IL16: variants seen among roughly 807,000 people sequenced by gnomAD.
IL16 encodes interleukin 16.
Under a neutral mutation model 110.1 loss-of-function variants are expected in IL16, and 67 were observed. The observed-to-expected ratio is 0.61, with a 90% CI of 0.50 to 0.75. The LOEUF is 0.75. IL16 is among the 30% of genes least tolerant of loss of function. The probability of loss-of-function intolerance (pLI) is 0.00; values close to 1 mark genes in which losing one functional copy is unlikely to be tolerated. For synonymous variants in IL16, 689 were observed against 662.9 expected, an observed-to-expected ratio of 1.04 and a Z score of -0.61; for missense variants, 1,545 against 1,655.0, an observed-to-expected ratio of 0.93 and a Z score of 1.15.
intron 1 of IL16, among the ~76,000 whole-genome samples, chr15:81,184,644 G>A (rs187057402): frequency 3.2e-4 from 48 of 152,294 alleles, no homozygotes; most frequent in African/African-American, 9.9e-4. Context: ...GAGCTTATCC[G>A]GGCGATGCCC....
upstream of IL16, among the ~76,000 whole-genome samples, chr15:81,195,477 G>GCACTCCAGACT (rs1401601070): frequency 6.6e-6 from 1 of 152,146 alleles, no homozygotes; most frequent in Non-Finnish European, 1.5e-5. Context: ...TTCCTTCACT[G>GCACTCCAGACT]CACTCCAGAC....
chr15:81,241,591 C>T (rs1897338479), intron 2 of IL16, among the ~76,000 whole-genome samples: 1 of 152,042 alleles, frequency 6.6e-6, no homozygotes, highest in African/African-American at 2.4e-5. Flanking sequence ...CTGCTATTTG[C>T]TGGCATATGG....
At position 81,216,263 on chromosome 15, in the gene IL16, G is replaced by C. The variant is rs569578771; in HGVS notation, c.-101-9036G>C. On this transcript the variant is annotated intron_variant, in intron 1 of 18. Transcript: ENST00000683961. ...TGTTCCCTGGGGAGATCCCCCTCCA[G>C]CTCCCACGTCCTTGTGTGATGCAGG... Among the ~76,000 whole-genome samples, 3 of 152,302 alleles carry C rather than the reference G, an allele frequency of 2.0e-5. No individual in the cohort carries two copies. The East Asian group carries it at 5.8e-4, about 29-fold the overall frequency.
chr15:81,306,246 C>T lies in IL16; in HGVS notation c.3679+80C>T. 1.9e-6 allele frequency: 3 copies of T among 1,545,886 alleles called. No individual in the cohort carries two copies. In the South Asian group the frequency reaches 3.7e-5, roughly 19 times the overall value. ...TGGGGCCAGACCTGATGGGGCTACTCAGTAATTTGTGACCCCAAGAATGTG... is the reference window on the plus strand; with the variant it reads ...TGGGGCCAGACCTGATGGGGCTACTTAGTAATTTGTGACCCCAAGAATGTG... On this transcript the variant is annotated intron_variant, in intron 17 of 18. Transcript: ENST00000683961.
Position 81,301,445 on chromosome 15 carries a change from T to G in IL16, c.3251T>G (p.Leu1084Arg). Residue 1084 changes from leucine (L) to arginine (R), a missense_variant, in exon 15 of 19, where the codon CTG becomes CGG. Transcript: ENST00000683961. ...SLQSGQSVISLLSSEELKKLI... is the reference protein window; with the variant it reads ...SLQSGQSVISRLSSEELKKLI... ...CAGTCTGGTCAGTCCGTTATCTCCC[T>G]GCTGAGCTCAGAAGAATTAAAAAAA... 6.2e-7 allele frequency: 1 copy of G among 1,614,126 alleles called. No homozygotes were observed. Among genetic ancestry groups the G allele is most frequent in the Non-Finnish European group, 8.5e-7 (1 of 1,179,996 alleles).
chr15:81,227,269 AATATT>A (rs895574888), intron 2 of IL16, among the ~76,000 whole-genome samples: 3 of 152,160 alleles, frequency 2.0e-5, no homozygotes, highest in African/African-American at 4.8e-5. Context: ...TATATAATAT[AATATT>A]ATATTAAGTA....
chr15:81,198,115 G>A (rs910650401), intron 1 of IL16, among the ~76,000 whole-genome samples: 2 of 152,094 alleles, frequency 1.3e-5, no homozygotes, highest in African/African-American at 4.8e-5. Flanking sequence ...CAGATATGAC[G>A]TGGGCATGAG....
intron 5 of IL16, among the ~76,000 whole-genome samples, chr15:81,270,237 T>C (rs1285871654): frequency 6.6e-6 from 1 of 152,132 alleles, no homozygotes; most frequent in African/African-American, 2.4e-5. Context: ...GTATTGGTGG[T>C]GATGGTGAGA....
chr15:81,288,829 A>ATGTG (rs149894902), intron 10 of IL16, among the ~76,000 whole-genome samples: 209 of 140,962 alleles, frequency 1.5e-3, no homozygotes, highest in African/African-American at 4.6e-3. Flanking sequence ...TAGTATGTGT[A>ATGTG]TGTGTGTGTG....
Position 81,308,738 on chromosome 15 carries a change from G to C in IL16, c.3939G>C (p.Thr1313=). ...IIKALPDGPV[T]IVIRRKSLQS... ...AGGCACTGCCTGATGGACCTGTCAC[G>C]ATTGTCATCAGGAGAAAAAGCCTCC... is the stretch of plus-strand genomic sequence containing the variant. The change falls in exon 19 of 19, where the codon ACG becomes ACC. Residue 1313 remains threonine, a synonymous_variant. Coordinates refer to ENST00000683961, the MANE Select transcript of IL16 (RefSeq NM_172217.5). 1 of 1,614,132 alleles carries C rather than the reference G, an allele frequency of 6.2e-7. No homozygotes were observed. Among genetic ancestry groups the C allele is most frequent in the Non-Finnish European group, 8.5e-7 (1 of 1,180,028 alleles).
chr15:81,279,880 C>A, intron 8 of IL16, 106 bp downstream of exon 8: 1 of 942,156 alleles, frequency 1.1e-6, no homozygotes, highest in Non-Finnish European at 1.6e-6. Flanking sequence ...AGGATGTTGT[C>A]TTTTAGCACA....
exon 1 of IL16, chr15:81,182,871 G>C (rs911551822): frequency 1.6e-6 from 2 of 1,289,566 alleles, no homozygotes; most frequent in East Asian, 5.6e-5. Flanking sequence ...GTTTGCAGAA[G>C]AGAGTCTTCC....
chr15:81,277,805 C>T (rs867856618), intron 6 of IL16, among the ~76,000 whole-genome samples: 6 of 152,164 alleles, frequency 3.9e-5, no homozygotes, highest in Non-Finnish European at 5.9e-5. Context: ...TCATCAGTAA[C>T]GACCAGGTCC....
upstream of IL16, among the ~76,000 whole-genome samples, chr15:81,193,603 A>T (rs541073338): frequency 6.6e-6 from 1 of 152,316 alleles, no homozygotes; most frequent in South Asian, 2.1e-4. Context: ...GTCTACATGG[A>T]AGTCAGCTAG....
At chr15:81,286,500 G>A (rs1332951878) in intron 10 of IL16, among the ~76,000 whole-genome samples, 1 of 152,192 alleles carries the variant, frequency 6.6e-6, no homozygotes, top group African/African-American at 2.4e-5. Context: ...GAGAACAGAT[G>A]TTGGCAGGGC....
rs760314096 is a variant in IL16 at position 81,265,669 on chromosome 15, C to T, written c.432C>T (p.Pro144=). 49 of 1,613,876 alleles carry T rather than the reference C, an allele frequency of 3.0e-5. No individual in the cohort carries two copies. Among genetic ancestry groups the T allele is most frequent in the Non-Finnish European group, 3.9e-5 (46 of 1,179,948 alleles). Residue 144 remains proline, a synonymous_variant, in exon 4 of 19, where the codon CCC becomes CCT. Transcript: ENST00000683961. The part of the protein sequence containing the change: ...RARSNSTSVN[P]YCTREIDFPM... ...CCTCTTCTGGTTTAGGTGTTAATCCCTATTGCACAAGAGAAATTGATTTTC... is the reference window on the plus strand; with the variant it reads ...CCTCTTCTGGTTTAGGTGTTAATCCTTATTGCACAAGAGAAATTGATTTTC...
In IL16 at chr15:81,306,557, G is replaced by C; in HGVS notation, c.3805+12G>C. On this transcript the variant is annotated intron_variant, in intron 18 of 18. Coordinates refer to ENST00000683961, the MANE Select transcript of IL16 (RefSeq NM_172217.5). ...CAGGATTTTCAAAGGTGTGGGGTGT[G>C]TCTGGTTCTTTGCGTGCTCTCCAGT... 6.2e-7 allele frequency: 1 copy of C among 1,611,166 alleles called. No individual in the cohort carries two copies. Among genetic ancestry groups the C allele is most frequent in the Non-Finnish European group, 8.5e-7 (1 of 1,180,016 alleles).
chr15:81,292,533 A>G (rs1899776508), intron 11 of IL16, 23 bp from the exon 12 acceptor site: 1 of 1,611,154 alleles, frequency 6.2e-7, no homozygotes, highest in Non-Finnish European at 8.5e-7. Flanking sequence ...AGCTGTGAAG[A>G]TTCTCTTGTG....
Position 81,225,282 on chromosome 15 carries a change from T to A in IL16, c.-101-17T>A. 6.7e-7 allele frequency: 1 copy of A among 1,494,712 alleles called. No individual in the cohort carries two copies. The highest frequency in any genetic ancestry group is 8.9e-7 in the Non-Finnish European group (1 of 1,125,402). 92.6% of individuals were successfully genotyped at this position (1,494,712 alleles called of 1,614,324 possible). ...CAGCAAGTCACATTGCTTCTTCCCA[T>A]TTCCTCTTTCCTCTAGGGACTCATG... On this transcript the variant is annotated splice_polypyrimidine_tract_variant and intron_variant, in intron 1 of 18. Transcript: ENST00000683961.
Sources: allele counts gnomAD v4.1 joint callset (sites outside exome capture counted in the v4.1 genomes callset), GRCh38; gene constraint gnomAD v4.1.1; transcripts MANE v1.5; gene names NCBI Gene and HGNC (gene_info 2026-07-23, HGNC 2026-07-21).